The following INPP5D variants were observed in gnomAD, a reference collection of about 807,000 sequenced individuals.
INPP5D encodes inositol polyphosphate-5-phosphatase D.
INPP5D carries 33 observed loss-of-function variants against 122.9 expected under a neutral mutation model. The observed-to-expected ratio is 0.27, with a 90% CI of 0.20 to 0.36. The LOEUF is 0.36. INPP5D is among the 10% of genes least tolerant of loss of function. The pLI is 1.00. For missense variants in INPP5D, 1,053 were observed against 1,412.7 expected (o/e 0.75, Z 4.08); for synonymous variants, 584 against 576.2 (o/e 1.01, Z -0.19).
At chr2:233,161,192 A>C (rs1440931320) in intron 10 of INPP5D, among the ~76,000 whole-genome samples, 2 of 152,052 alleles carry the variant, frequency 1.3e-5, no homozygotes, top group African/African-American at 4.8e-5. Context: ...CCTGGGTTCA[A>C]GCAATTCTTC....
At chr2:233,116,636 G>A (rs549811596) in intron 2 of INPP5D, among the ~76,000 whole-genome samples, 3 of 148,452 alleles carry the variant, frequency 2.0e-5, no homozygotes, top group East Asian at 2.0e-4. Flanking sequence ...TCACTCTGTC[G>A]CCCAGGCTGG....
chr2:233,129,665 ATCAC>A (rs1048880632), intron 4 of INPP5D, among the ~76,000 whole-genome samples: 2 of 152,104 alleles, frequency 1.3e-5, no homozygotes, highest in Non-Finnish European at 2.9e-5. Context: ...CCCATCGCTA[ATCAC>A]TCAGACTCCC....
In INPP5D at chr2:233,083,546, C is replaced by T. The variant is rs1244306634; in HGVS notation, c.198+4148C>T. Among the ~76,000 whole-genome samples, 4 of 152,160 alleles carry T rather than the reference C, an allele frequency of 2.6e-5. No homozygotes were observed. In the East Asian group the frequency reaches 7.7e-4, roughly 29 times the overall value. ...GGCTCAGCCCCGCAGGCCTGACTGTCCCACACCAAGAGAGTGGGTTTCTTG... is the reference window on the plus strand; with the variant it reads ...GGCTCAGCCCCGCAGGCCTGACTGTTCCACACCAAGAGAGTGGGTTTCTTG... On this transcript the variant is annotated intron_variant, in intron 2 of 26. Transcript: ENST00000445964.
intron 5 of INPP5D, among the ~76,000 whole-genome samples, chr2:233,138,728 ATTTTAT>A (rs148927527): frequency 0.37 from 54,628 of 149,508 alleles, 11,349 homozygotes; most frequent in Non-Finnish European, 0.45. Flanking sequence ...GGTTTTATTT[ATTTTAT>A]TTTTATTTTT....
chr2:233,164,460 C>A lies in INPP5D; in HGVS notation c.1555+36C>A, dbSNP rs993497642. On this transcript the variant is annotated intron_variant, in intron 13 of 26. Coordinates refer to ENST00000445964, the MANE Select transcript of INPP5D (RefSeq NM_001017915.3). The surrounding 1 kb of genome is among the most constrained non-coding windows in gnomAD (Gnocchi z 4.3). ...CGGGGACCCTGTGTTCCTCCCACACCCTCTGCCTCAACTCTCGCGACCACA... is the reference window on the plus strand; with the variant it reads ...CGGGGACCCTGTGTTCCTCCCACACACTCTGCCTCAACTCTCGCGACCACA... The A allele has an allele frequency of 2.0e-5, 30 of 1,515,218 alleles. No homozygotes were observed. The East Asian group carries it at 7.4e-4, about 38-fold the overall frequency. 93.9% of individuals were successfully genotyped at this position (1,515,218 alleles called of 1,614,324 possible). A position where few individuals can be genotyped will look rare whatever the true frequency, so the allele number is the denominator to read the frequency against.
At chr2:233,123,392 T>G (rs1268667372) in intron 3 of INPP5D, among the ~76,000 whole-genome samples, 1 of 150,252 alleles carries the variant, frequency 6.7e-6, no homozygotes, top group African/African-American at 2.5e-5. Context: ...AGGTGGAGGT[T>G]GCAGTGAGCC....
intron 9 of INPP5D, among the ~76,000 whole-genome samples, chr2:233,148,184 C>A (rs1342528732): frequency 6.6e-6 from 1 of 152,000 alleles, no homozygotes; most frequent in East Asian, 1.9e-4. Flanking sequence ...ACAAGGGGAT[C>A]CAGGGCCAGC....
intron 2 of INPP5D, among the ~76,000 whole-genome samples, chr2:233,088,545 T>C (rs1158796768): frequency 3.3e-5 from 5 of 152,252 alleles, no homozygotes; most frequent in African/African-American, 1.2e-4. Context: ...TCTCTCAAGC[T>C]TCTGTTTCCT....
At chr2:233,112,022 C>T (rs1184264125) in intron 2 of INPP5D, among the ~76,000 whole-genome samples, 3 of 150,852 alleles carry the variant, frequency 2.0e-5, no homozygotes, top group African/African-American at 7.4e-5. Flanking sequence ...TGTGATCATG[C>T]CACTGCGCTC....
rs148391204 is a variant in INPP5D, at chr2:233,163,955, G to T, written c.1437+52G>T. 4.4e-6 allele frequency: 7 copies of T among 1,589,358 alleles called. 1 individual carries two copies. In the South Asian group the frequency reaches 4.5e-5, roughly 10 times the overall value. On this transcript the variant is annotated intron_variant, in intron 12 of 26. Transcript: ENST00000445964. Reference sequence around the variant, plus strand: ...GGCTTCCGGGATAGAATCTTTGCTCGGCTGGGCTGTCTCAGAGGCAAGGGT... The same window carrying T: ...GGCTTCCGGGATAGAATCTTTGCTCTGCTGGGCTGTCTCAGAGGCAAGGGT...
In INPP5D at chr2:233,113,537, A is replaced by G. The variant is rs530638042; in HGVS notation, c.199-8570A>G. Among the ~76,000 whole-genome samples the G allele has an allele frequency of 7.9e-5, 12 of 152,294 alleles. No homozygotes were observed. In the East Asian group the frequency reaches 2.3e-3, roughly 29 times the overall value. ...AGTCCATTCAAAGCCATGTGGCTGA[A>G]GAGAGATTCCTGGGACTGAAGGAGG... On this transcript the variant is annotated intron_variant, in intron 2 of 26. Transcript: ENST00000445964.
At chr2:233,166,829 C>T (rs1694354217) in intron 13 of INPP5D, among the ~76,000 whole-genome samples, 1 of 151,796 alleles carries the variant, frequency 6.6e-6, no homozygotes. Context: ...ACTAAAAATA[C>T]AAAAATTAGT....
chr2:233,104,783 G>A (rs892549542), intron 2 of INPP5D, among the ~76,000 whole-genome samples: 13 of 152,164 alleles, frequency 8.5e-5, no homozygotes, highest in Non-Finnish European at 1.9e-4. Flanking sequence ...GATTTTGAGA[G>A]CTGACCGCCA....
Position 233,130,659 on chromosome 2 carries a change from G to T in INPP5D, c.665+11G>T. 6.2e-7 allele frequency: 1 copy of T among 1,613,722 alleles called. No homozygotes were observed. Among genetic ancestry groups the T allele is most frequent in the Non-Finnish European group, 8.5e-7 (1 of 1,179,710 alleles). On this transcript the variant is annotated intron_variant, in intron 5 of 26. Transcript: ENST00000445964. ...CAAGGAGCTCTATGGGTAATGGCTGGCCCACGGGGGCGGGCAGGTGGGGGC... is the reference window on the plus strand; with the variant it reads ...CAAGGAGCTCTATGGGTAATGGCTGTCCCACGGGGGCGGGCAGGTGGGGGC...
intron 5 of INPP5D, among the ~76,000 whole-genome samples, chr2:233,138,976 G>C (rs1413323065): frequency 6.6e-6 from 1 of 150,956 alleles, no homozygotes; most frequent in East Asian, 2.0e-4. Flanking sequence ...GGATGGTCTC[G>C]ACCTCCTGAC....
chr2:233,170,203 T>C lies in INPP5D; in HGVS notation c.1791+39T>C, dbSNP rs775890049. ...GCCTGGGGCTGGGGCTGGGGCTGTATGAGATGGAGGCTCCCTTGAGTCAGC... is the reference window on the plus strand; with the variant it reads ...GCCTGGGGCTGGGGCTGGGGCTGTACGAGATGGAGGCTCCCTTGAGTCAGC... On this transcript the variant is annotated intron_variant, in intron 15 of 26. Transcript: ENST00000445964. The surrounding 1 kb of genome is among the most constrained non-coding windows in gnomAD (Gnocchi z 4.5). 4.3e-5 allele frequency: 69 copies of C among 1,601,572 alleles called. No individual in the cohort carries two copies. In the Admixed American group the frequency reaches 7.0e-4, roughly 16 times the overall value.
rs778997649 is a variant in INPP5D at position 233,113,906 on chromosome 2, CTT to C, written c.199-8184_199-8183del. Among the ~76,000 whole-genome samples the C allele has an allele frequency of 1.6e-3, 210 of 127,702 alleles. 2 individuals are homozygous for C. The highest frequency in any genetic ancestry group is 6.2e-3 in the African/African-American group (193 of 30,976). 83.8% of individuals were successfully genotyped at this position (127,702 alleles called of 152,430 possible). On this transcript the variant is annotated intron_variant, in intron 2 of 26. Coordinates refer to ENST00000445964, the MANE Select transcript of INPP5D (RefSeq NM_001017915.3). ...TTGCCTTTAGTGCCTCCAAACCACT[CTT>C]TTTTTTTTTTTTTTTTGAGACGGAG...
chr2:233,201,415 C>T (rs1420298115), intron 25 of INPP5D, among the ~76,000 whole-genome samples: 1 of 152,256 alleles, frequency 6.6e-6, no homozygotes, highest in African/African-American at 2.4e-5. Flanking sequence ...CAGCTGCAGA[C>T]AGGCTGCCAT....
chr2:233,069,720 G>C (rs61487211), intron 1 of INPP5D, among the ~76,000 whole-genome samples: 8,414 of 152,120 alleles, frequency 0.055, 618 homozygotes, highest in African/African-American at 0.17. Flanking sequence ...CATGATGTGC[G>C]ACACTTCATG....
Sources: gnomAD v4.1 joint callset for allele counts (sites outside exome capture counted in the v4.1 genomes callset) on GRCh38, gnomAD v4.1.1 for gene constraint, Gnocchi (gnomAD v3.1) non-coding constraint, MANE v1.5 for transcripts, NCBI Gene and HGNC (gene_info 2026-07-23, HGNC 2026-07-21) for gene names.